The following ST3GAL6 variants were observed in gnomAD, a reference collection of about 807,000 sequenced individuals.
ST3GAL6 encodes ST3 beta-galactoside alpha-2,3-sialyltransferase 6, also known as type 2 lactosamine alpha-2,3-sialyltransferase.
Under a neutral mutation model 40.5 loss-of-function variants are expected in ST3GAL6, and 31 were observed. The ratio of observed to expected loss-of-function variants is 0.77; its 90% CI spans 0.58 to 1.03. ST3GAL6 has a LOEUF of 1.03. Among genes scored for constraint, ST3GAL6 ranks in the 50% least tolerant of loss-of-function variants. The pLI is 0.00. For missense variants in ST3GAL6, 357 were observed against 393.2 expected (o/e 0.91, Z 0.78); for synonymous variants, 129 against 136.9 (o/e 0.94, Z 0.40).
upstream of ST3GAL6, among the ~76,000 whole-genome samples, chr3:98,762,458 A>G (rs1937893811): frequency 6.6e-6 from 1 of 152,126 alleles, no homozygotes; most frequent in Admixed American, 6.5e-5. Context: ...GTAATATTGT[A>G]TGTTTAAAAA....
At chr3:98,760,716 G>A (rs989138522), upstream of ST3GAL6, among the ~76,000 whole-genome samples, 4 of 152,122 alleles carry the variant, frequency 2.6e-5, no homozygotes, top group African/African-American at 4.8e-5. Flanking sequence ...TTTACCATAT[G>A]GCCCATGAAA....
chr3:98,757,073 G>T (rs1197892544), intron 1 of ST3GAL6, among the ~76,000 whole-genome samples: 1 of 152,074 alleles, frequency 6.6e-6, no homozygotes, highest in African/African-American at 2.4e-5. Flanking sequence ...CCTATGCACA[G>T]ATTTCAGACA....
intron 5 of ST3GAL6, among the ~76,000 whole-genome samples, chr3:98,775,408 G>A (rs965767389): frequency 1.3e-5 from 2 of 149,708 alleles, no homozygotes; most frequent in South Asian, 2.1e-4. Context: ...CCAGGGAGGC[G>A]GAGGTTGCAG....
At chr3:98,760,503 G>A (rs541470839), upstream of ST3GAL6, among the ~76,000 whole-genome samples, 1 of 152,272 alleles carries the variant, frequency 6.6e-6, no homozygotes, top group South Asian at 2.1e-4. Flanking sequence ...TCCTAAAGTC[G>A]AGTACGTACA....
intron 1 of ST3GAL6, among the ~76,000 whole-genome samples, chr3:98,744,069 C>A (rs756057749): frequency 5.3e-5 from 8 of 152,108 alleles, no homozygotes; most frequent in African/African-American, 9.7e-5. Flanking sequence ...AAGACAGAAA[C>A]ACGGGAAAAC....
In ST3GAL6 at chr3:98,794,378, GAATAC is replaced by G. The variant is rs982809716; in HGVS notation, c.*621_*625del. The G allele has an allele frequency of 2.0e-5, 3 of 152,010 alleles. No individual in the cohort carries two copies. The highest frequency in any genetic ancestry group is 1.3e-4 in the Admixed American group (2 of 15,260). 9.4% of individuals were successfully genotyped at this position (152,010 alleles called of 1,614,324 possible). Reference sequence around the variant, plus strand: ...TTAGATAAGTAAATAACTAAAGAAAGAATACAATTACTAAACTCTGATGGCTTTGT... The same window carrying G: ...TTAGATAAGTAAATAACTAAAGAAAGAATTACTAAACTCTGATGGCTTTGT... On this transcript the variant is annotated 3_prime_UTR_variant, in exon 10 of 10. Transcript: ENST00000483910.
intron 1 of ST3GAL6, among the ~76,000 whole-genome samples, chr3:98,734,769 T>A (rs1350403736): frequency 2.0e-5 from 3 of 152,206 alleles, no homozygotes; most frequent in African/African-American, 7.2e-5. Flanking sequence ...TTAAAAACAT[T>A]AGTCTGTCTC....
rs372948693 is a variant in ST3GAL6 at position 98,751,341 on chromosome 3, T to C, written c.-11-17089T>C. Among the ~76,000 whole-genome samples, 11 of 152,252 alleles carry C rather than the reference T, an allele frequency of 7.2e-5. No homozygotes were observed. The East Asian group carries it at 1.9e-3, about 27-fold the overall frequency. On this transcript the variant is annotated intron_variant, in intron 1 of 9. Transcript: ENST00000265261. Reference sequence around the variant, plus strand: ...TATACATTTAAGGAGAGAATAATCCTGAGGCACAAATATATCATGATCCAT... The same window carrying C: ...TATACATTTAAGGAGAGAATAATCCCGAGGCACAAATATATCATGATCCAT...
chr3:98,732,934 C>T (rs1935159627), intron 1 of ST3GAL6: 1 of 1,511,302 alleles, frequency 6.6e-7, no homozygotes, highest in South Asian at 1.2e-5. Context: ...GAGCCCGGTG[C>T]GCCTCTGCGG....
intron 1 of ST3GAL6, among the ~76,000 whole-genome samples, chr3:98,757,313 G>C (rs1477010861): frequency 6.6e-6 from 1 of 152,176 alleles, no homozygotes; most frequent in Non-Finnish European, 1.5e-5. Flanking sequence ...TAATGGTCTT[G>C]TGATTTAGTC....
At chr3:98,766,510 C>T (rs1938361709) in intron 1 of ST3GAL6, among the ~76,000 whole-genome samples, 1 of 148,518 alleles carries the variant, frequency 6.7e-6, no homozygotes, top group Non-Finnish European at 1.5e-5. Context: ...CAACCTCTGC[C>T]TCTTGGGTTC....
chr3:98,732,877 C>T lies in ST3GAL6; in HGVS notation c.-12+345C>T, dbSNP rs768273522. Reference sequence around the variant, plus strand: ...TTCTGCGGCCCGATGTGGCAGGCGCCGCGAGAGAGGCAGCAGCCGGCTGGA... The same window carrying T: ...TTCTGCGGCCCGATGTGGCAGGCGCTGCGAGAGAGGCAGCAGCCGGCTGGA... On this transcript the variant is annotated intron_variant, in intron 1 of 9. Coordinates refer to the ST3GAL6 transcript ENST00000265261. The T allele has an allele frequency of 4.6e-6, 7 of 1,512,824 alleles. No homozygotes were observed. The East Asian group carries it at 7.8e-5, about 17-fold the overall frequency. The allele number at this position is 1,512,824 out of a possible 1,614,324, so 93.7% of individuals were successfully genotyped here.
intron 1 of ST3GAL6, chr3:98,756,374 G>C (rs1467106020): frequency 7.8e-7 from 1 of 1,289,738 alleles, no homozygotes; most frequent in Admixed American, 2.3e-5. Flanking sequence ...TTCAGCATTT[G>C]CAAGTGAGGA....
intron 1 of ST3GAL6, among the ~76,000 whole-genome samples, chr3:98,738,618 A>G (rs1270337084): frequency 6.6e-6 from 1 of 152,236 alleles, no homozygotes; most frequent in Non-Finnish European, 1.5e-5. Flanking sequence ...GAACTAATAC[A>G]GATGGGCAAT....
exon 1 of ST3GAL6, chr3:98,732,314 C>G (rs1162075403): frequency 1.3e-5 from 2 of 152,600 alleles, no homozygotes; most frequent in Non-Finnish European, 2.9e-5. Context: ...GCCTGCCAGC[C>G]GGGCGGGGAA....
chr3:98,790,736 G>A (rs140866645), intron 8 of ST3GAL6, among the ~76,000 whole-genome samples: 1 of 152,168 alleles, frequency 6.6e-6, no homozygotes, highest in East Asian at 1.9e-4. Context: ...TAGGTTCTGT[G>A]GGTGATGGCT....
At position 98,795,140 on chromosome 3, in the gene ST3GAL6, GA is replaced by G. The variant is rs1482779331; in HGVS notation, c.*1382del. On this transcript the variant is annotated 3_prime_UTR_variant, in exon 10 of 10. Transcript: ENST00000483910. ...TGGAGGTAGGGGAATGAGAGGTGAA[GA>G]AACAGAAAAATAGAGGTTATAAGGA... The G allele has an allele frequency of 6.6e-6, 1 of 152,080 alleles. No individual in the cohort carries two copies. The highest frequency in any genetic ancestry group is 1.5e-5 in the Non-Finnish European group (1 of 68,012). 9.4% of individuals were successfully genotyped at this position (152,080 alleles called of 1,614,324 possible). A position where few individuals can be genotyped will look rare whatever the true frequency, so the allele number is the denominator to read the frequency against.
chr3:98,788,772 C>T (rs1221665473), intron 8 of ST3GAL6, among the ~76,000 whole-genome samples: 1 of 152,170 alleles, frequency 6.6e-6, no homozygotes, highest in Non-Finnish European at 1.5e-5. Context: ...TGAGGAGAGT[C>T]TGACTGGGTG....
At chr3:98,778,027 C>CT (rs1482380365) in intron 5 of ST3GAL6, among the ~76,000 whole-genome samples, 1 of 152,200 alleles carries the variant, frequency 6.6e-6, no homozygotes, top group African/African-American at 2.4e-5. Context: ...AGCAGCAACC[C>CT]TAAATGATCA....
Sources: gnomAD v4.1 joint callset for allele counts (sites outside exome capture counted in the v4.1 genomes callset) on GRCh38, gnomAD v4.1.1 for gene constraint, MANE v1.5 for transcripts, NCBI Gene and HGNC (gene_info 2026-07-23, HGNC 2026-07-21) for gene names.